The following ST18 variants were observed in gnomAD, a reference collection of about 807,000 sequenced individuals.
ST18 encodes ST18 C2H2C-type zinc finger transcription factor, also known as suppression of tumorigenicity 18 protein.
ST18 carries 50 observed loss-of-function variants against 110.0 expected under a neutral mutation model. The observed-to-expected ratio is 0.45, with a 90% CI of 0.36 to 0.58. The LOEUF (loss-of-function observed/expected upper bound fraction) is 0.58. Among genes scored for constraint, ST18 ranks in the 20% least tolerant of loss-of-function variants. ST18 has a pLI of 0.00. For missense variants in ST18, 1,306 were observed against 1,280.1 expected (o/e 1.02, Z -0.31); for synonymous variants, 461 against 452.4 (o/e 1.02, Z -0.24).
intron 6 of ST18, among the ~76,000 whole-genome samples, chr8:52,215,984 C>T (rs984226058): frequency 6.6e-6 from 1 of 152,238 alleles, no homozygotes; most frequent in Non-Finnish European, 1.5e-5. Context: ...GAAGCCACTT[C>T]TATGTGTGAG....
In ST18 at chr8:52,133,430, G is replaced by C. The variant is rs2050595016; in HGVS notation, c.2301-129C>G. ...AGTCTCTGTAGTTCACGTGGAGGGA[G>C]GCGGGGTCACACAGCCAAATGTAAC... On this transcript the variant is annotated intron_variant, in intron 19 of 25. Transcript: ENST00000689386. 28 of 1,061,618 alleles carry C rather than the reference G, an allele frequency of 2.6e-5. No homozygotes were observed. The South Asian group carries it at 3.6e-4, about 13-fold the overall frequency. The allele number at this position is 1,061,618 out of a possible 1,614,324, so 65.8% of individuals were successfully genotyped here.
At chr8:52,262,867 T>A (rs1464821653) in intron 2 of ST18, among the ~76,000 whole-genome samples, 3 of 152,208 alleles carry the variant, frequency 2.0e-5, no homozygotes, top group African/African-American at 7.2e-5. Context: ...GGGAAAAACT[T>A]TATTTAATCT....
At position 52,172,440 on chromosome 8, in the gene ST18, A is replaced by T; in HGVS notation, c.421T>A (p.Ser141Thr). 1.2e-6 allele frequency: 2 copies of T among 1,613,854 alleles called. No individual in the cohort carries two copies. The highest frequency in any genetic ancestry group is 1.7e-6 in the Non-Finnish European group (2 of 1,180,026). Residue 141 changes from serine to threonine, a missense_variant, in exon 10 of 26, where the codon TCT becomes ACT. Coordinates refer to ENST00000689386, the MANE Select transcript of ST18 (RefSeq NM_001352837.2). ...AAATTTTCACTTACAGTCTGAACAG[A>T]TACATTTTTTTCAAATTTCCCCAAG... is the stretch of plus-strand genomic sequence containing the variant. Reference protein sequence around the residue: ...MHLGKFEKNVSVQTVSENLND... With the variant: ...MHLGKFEKNVTVQTVSENLND...
intron 22 of ST18, among the ~76,000 whole-genome samples, chr8:52,129,452 A>AG (rs1491118957): frequency 0.011 from 796 of 72,970 alleles, 9 homozygotes; most frequent in African/African-American, 0.095. Context: ...AGACTCCATC[A>AG]AAAAAAAAAA....
At chr8:52,182,096 T>A (rs1046948195) in intron 8 of ST18, among the ~76,000 whole-genome samples, 2 of 152,130 alleles carry the variant, frequency 1.3e-5, no homozygotes, top group Non-Finnish European at 2.9e-5. Context: ...GAGCCAAGAT[T>A]TGTAGCAAAT....
intron 25 of ST18, among the ~76,000 whole-genome samples, chr8:52,115,080 T>C (rs2042066742): frequency 6.6e-6 from 1 of 152,252 alleles, no homozygotes; most frequent in South Asian, 2.1e-4. Flanking sequence ...TGTTCATTAT[T>C]ACATTATTGA....
At chr8:52,156,744 C>G (rs925479299) in intron 15 of ST18, among the ~76,000 whole-genome samples, 1 of 152,114 alleles carries the variant, frequency 6.6e-6, no homozygotes, top group Non-Finnish European at 1.5e-5. Context: ...TGTGCACGTG[C>G]GTGTGTGCAT....
At chr8:52,290,431 T>C (rs1452499907) in intron 2 of ST18, among the ~76,000 whole-genome samples, 2 of 152,192 alleles carry the variant, frequency 1.3e-5, no homozygotes, top group African/African-American at 4.8e-5. Flanking sequence ...ATGGAATGTT[T>C]ACATACCAAT....
chr8:52,226,827 CTATT>C (rs946450520), intron 3 of ST18, among the ~76,000 whole-genome samples: 6 of 152,138 alleles, frequency 3.9e-5, no homozygotes, highest in African/African-American at 7.2e-5. Flanking sequence ...AGAATTTTCT[CTATT>C]TAAGCTATTT....
At chr8:52,264,925 G>T (rs1171084901) in intron 2 of ST18, among the ~76,000 whole-genome samples, 1 of 152,098 alleles carries the variant, frequency 6.6e-6, no homozygotes, top group East Asian at 1.9e-4. Flanking sequence ...CTTCCACCTG[G>T]TCCCAAATAC....
intron 5 of ST18, 95 bp from the exon 6 acceptor site, chr8:52,217,996 G>A (rs1406336408): frequency 6.6e-6 from 1 of 152,024 alleles, no homozygotes; most frequent in Non-Finnish European, 1.5e-5. Flanking sequence ...CTGACATGTG[G>A]GGAGGTTTTA....
intron 2 of ST18, among the ~76,000 whole-genome samples, chr8:52,375,589 C>G (rs1406564016): frequency 1.3e-5 from 2 of 152,180 alleles, no homozygotes; most frequent in African/African-American, 4.8e-5. Flanking sequence ...CTTGCCTCAT[C>G]CTAACTGTGG....
At chr8:52,118,191 T>G in intron 24 of ST18, 147 bp downstream of exon 24, 1 of 571,162 alleles carries the variant, frequency 1.8e-6, no homozygotes, top group Non-Finnish European at 3.0e-6. Flanking sequence ...CTATTCAGAA[T>G]TTTACAATAA....
chr8:52,143,069 C>A lies in ST18; in HGVS notation c.2053-24G>T, dbSNP rs750090125. 3 of 1,486,740 alleles carry A rather than the reference C, an allele frequency of 2.0e-6. No individual in the cohort carries two copies. The South Asian group carries it at 3.4e-5, about 17-fold the overall frequency. The allele number at this position is 1,486,740 out of a possible 1,614,324, so 92.1% of individuals were successfully genotyped here. A position where few individuals can be genotyped will look rare whatever the true frequency, so the allele number is the denominator to read the frequency against. ...TTCTGGAAAACAAACAAAAAACAAA[C>A]AAAACACAGAAGCCATTAGGGAACC... On this transcript the variant is annotated intron_variant, in intron 16 of 25. Coordinates refer to ENST00000689386, the MANE Select transcript of ST18 (RefSeq NM_001352837.2).
intron 2 of ST18, among the ~76,000 whole-genome samples, chr8:52,285,334 A>C (rs968096997): frequency 1.3e-5 from 2 of 152,234 alleles, no homozygotes; most frequent in African/African-American, 4.8e-5. Context: ...ATTATTCCTT[A>C]CATGTAATGA....
chr8:52,157,202 G>A (rs553197921), intron 15 of ST18, among the ~76,000 whole-genome samples: 3 of 152,166 alleles, frequency 2.0e-5, no homozygotes, highest in Non-Finnish European at 2.9e-5. Flanking sequence ...AAGGGGAAAA[G>A]CCCTGTAATT....
chr8:52,118,867 G>A (rs933754702), intron 23 of ST18, among the ~76,000 whole-genome samples: 9 of 152,162 alleles, frequency 5.9e-5, no homozygotes, highest in Non-Finnish European at 1.2e-4. Flanking sequence ...AGGCAGAGCT[G>A]GGATTAAACC....
At chr8:52,245,026 T>A (rs1423619024) in intron 2 of ST18, among the ~76,000 whole-genome samples, 1 of 152,176 alleles carries the variant, frequency 6.6e-6, no homozygotes, top group Non-Finnish European at 1.5e-5. Context: ...CTGATTTCAT[T>A]TACTTCATGA....
At chr8:52,199,981 G>T (rs988525149) in intron 8 of ST18, among the ~76,000 whole-genome samples, 7 of 152,154 alleles carry the variant, frequency 4.6e-5, no homozygotes, top group African/African-American at 1.7e-4. Context: ...AGGAATTACC[G>T]CAATGTGTTT....
Sources: gnomAD v4.1 joint callset for allele counts (sites outside exome capture counted in the v4.1 genomes callset) on GRCh38, gnomAD v4.1.1 for gene constraint, MANE v1.5 for transcripts, NCBI Gene and HGNC (gene_info 2026-07-23, HGNC 2026-07-21) for gene names.